Variants in MLLT10 observed in about 807,000 individuals in gnomAD.
MLLT10 encodes protein AF-10.
Under a neutral mutation model 129.1 loss-of-function variants are expected in MLLT10, and 30 were observed. That is an observed-to-expected ratio of 0.23 (90% confidence interval 0.17 to 0.32). The LOEUF is 0.32. Ranked by LOEUF, MLLT10 falls within the 10% of genes least tolerant of loss-of-function variation. MLLT10 has a pLI of 1.00. For missense variants in MLLT10, 1,119 were observed against 1,268.3 expected (o/e 0.88, Z 1.79); for synonymous variants, 490 against 446.4 (o/e 1.10, Z -1.23).
Position 21,717,608 on chromosome 10 carries a change from T to C in MLLT10, c.1878+3658T>C, listed in dbSNP as rs563998834. 2.8e-3 allele frequency among the ~76,000 whole-genome samples: 329 copies of C among 118,958 alleles called. 3 individuals carry two copies. Among genetic ancestry groups the C allele is most frequent in the African/African-American group, 9.9e-3 (315 of 31,680 alleles). The allele number at this position is 118,958 out of a possible 152,430, so 78.0% of individuals were successfully genotyped here. ...TTCCTCTTCCTCTTCTTTCTTCCTC[T>C]TCTTCCTCCTCTTCCTCCTCCTCCT... On this transcript the variant is annotated intron_variant, in intron 14 of 22. Coordinates refer to ENST00000307729, the MANE Select transcript of MLLT10 (RefSeq NM_001195626.3).
chr10:21,551,790 G>A, intron 3 of MLLT10: 1 of 402,688 alleles, frequency 2.5e-6, no homozygotes. Context: ...AATAGTTTCT[G>A]TCTCTCTCTC....
At chr10:21,640,356 A>G (rs970891396) in intron 8 of MLLT10, among the ~76,000 whole-genome samples, 3 of 147,190 alleles carry the variant, frequency 2.0e-5, no homozygotes, top group African/African-American at 7.5e-5. Context: ...ATACACACAC[A>G]TATATGTGTG....
intron 17 of MLLT10, among the ~76,000 whole-genome samples, chr10:21,731,660 A>T (rs1337842810): frequency 6.6e-6 from 1 of 152,216 alleles, no homozygotes; most frequent in African/African-American, 2.4e-5. Context: ...ATCTATAATT[A>T]GTATATATTA....
intron 5 of MLLT10, among the ~76,000 whole-genome samples, chr10:21,606,435 G>A (rs972056433): frequency 6.6e-6 from 1 of 152,214 alleles, no homozygotes; most frequent in African/African-American, 2.4e-5. Context: ...TGATTCCTCT[G>A]ATGGATCTGG....
At chr10:21,667,016 A>G (rs2050874790) in intron 9 of MLLT10, among the ~76,000 whole-genome samples, 1 of 152,136 alleles carries the variant, frequency 6.6e-6, no homozygotes, top group Non-Finnish European at 1.5e-5. Flanking sequence ...TTGGTCTGCT[A>G]GTGATTAGTT....
chr10:21,657,218 C>A (rs1452639939), intron 9 of MLLT10, among the ~76,000 whole-genome samples: 2 of 151,748 alleles, frequency 1.3e-5, no homozygotes, highest in Admixed American at 6.6e-5. Context: ...ATGGTGAAAC[C>A]CTGTCTCTAC....
upstream of MLLT10, chr10:21,534,098 G>A (rs968631668): frequency 2.4e-5 from 6 of 246,100 alleles, no homozygotes; most frequent in African/African-American, 1.4e-4. Flanking sequence ...AGCACACCTC[G>A]GCGGCGGCGA....
chr10:21,534,743 C>A lies in MLLT10; in HGVS notation c.99C>A (p.Gly33=). The A allele has an allele frequency of 1.2e-6, 2 of 1,613,230 alleles. No homozygotes were observed. Among genetic ancestry groups the A allele is most frequent in the East Asian group, 2.2e-5 (1 of 44,808 alleles). ...GTTGCGTTTGCTCAGACGAGAGAGG[C>A]TGGGCCGAGAACCCGCTGGTTTATT... ...GGCCVCSDER[G]WAENPLVYCD... Residue 33 remains glycine (G), a synonymous_variant, in exon 2 of 23, where the codon GGC becomes GGA. Coordinates refer to ENST00000307729, the MANE Select transcript of MLLT10 (RefSeq NM_001195626.3).
chr10:21,552,780 T>C (rs1008713771), intron 3 of MLLT10, among the ~76,000 whole-genome samples: 1 of 152,120 alleles, frequency 6.6e-6, no homozygotes, highest in Non-Finnish European at 1.5e-5. Flanking sequence ...TTATCTTCTT[T>C]TCTGTTTATT....
chr10:21,673,994 CTGT>C, intron 11 of MLLT10, 75 bp downstream of exon 11: 1 of 1,164,118 alleles, frequency 8.6e-7, no homozygotes, highest in Non-Finnish European at 1.2e-6. Context: ...ACGTTTTCAA[CTGT>C]TGTTACGATA....
chr10:21,740,357 A>G, intron 22 of MLLT10, 121 bp downstream of exon 22: 1 of 1,088,252 alleles, frequency 9.2e-7, no homozygotes, highest in Non-Finnish European at 1.3e-6. Flanking sequence ...AGTTGCTTTT[A>G]GCAGATGGAT....
At chr10:21,550,172 G>T (rs2036772721) in intron 3 of MLLT10, among the ~76,000 whole-genome samples, 1 of 152,196 alleles carries the variant, frequency 6.6e-6, no homozygotes, top group Non-Finnish European at 1.5e-5. Flanking sequence ...CTCCAGGCCA[G>T]TCTCTAAGTT....
intron 14 of MLLT10, among the ~76,000 whole-genome samples, chr10:21,717,716 TTCCTCC>T (rs878993054): frequency 0.13 from 2,177 of 17,248 alleles, 391 homozygotes; most frequent in East Asian, 0.26. Flanking sequence ...CCTCCTCCTC[TTCCTCC>T]TCCTCCTCCT....
At chr10:21,598,869 A>G (rs1241390560) in intron 5 of MLLT10, among the ~76,000 whole-genome samples, 2 of 151,622 alleles carry the variant, frequency 1.3e-5, no homozygotes, top group African/African-American at 2.4e-5. Flanking sequence ...TGAATAACGG[A>G]GTGAGATTCT....
At chr10:21,610,285 G>C (rs2044472138) in intron 5 of MLLT10, among the ~76,000 whole-genome samples, 1 of 152,156 alleles carries the variant, frequency 6.6e-6, no homozygotes, top group Non-Finnish European at 1.5e-5. Context: ...GGTCTGAGTT[G>C]AATCAGAGAC....
In MLLT10 at chr10:21,731,010, G is replaced by T; in HGVS notation, c.2174G>T (p.Ser725Ile). Residue 725 changes from serine to isoleucine, a missense_variant, in exon 17 of 23, where the codon AGT becomes ATT. Around this residue, in one of 5 missense-constraint regions of MLLT10, gnomAD observed 1,004 missense variants for 1,008.7 expected, o/e 1.00. Coordinates refer to ENST00000307729, the MANE Select transcript of MLLT10 (RefSeq NM_001195626.3). ...GAACAGCTTTTGGAGAGGCAGTGGA[G>T]TGAAGGACAGCAATTTTTACTAGAA... ...SIEQLLERQWSEGQQFLLEQG... is the reference protein window; with the variant it reads ...SIEQLLERQWIEGQQFLLEQG... 6 of 1,613,986 alleles carry T rather than the reference G, an allele frequency of 3.7e-6. No homozygotes were observed. The highest frequency in any genetic ancestry group is 5.1e-6 in the Non-Finnish European group (6 of 1,179,976).
intron 9 of MLLT10, among the ~76,000 whole-genome samples, chr10:21,658,562 A>G (rs1275251093): frequency 1.3e-5 from 2 of 152,206 alleles, no homozygotes; most frequent in Admixed American, 6.5e-5. Context: ...TACTATAAAT[A>G]TTGTATAAAT....
At chr10:21,561,899 G>T (rs1000768368) in intron 3 of MLLT10, among the ~76,000 whole-genome samples, 15 of 151,508 alleles carry the variant, frequency 9.9e-5, no homozygotes, top group African/African-American at 3.6e-4. Context: ...TCTGCCTCCT[G>T]GGTTCAAGCA....
intron 9 of MLLT10, among the ~76,000 whole-genome samples, chr10:21,654,691 T>C (rs574092153): frequency 6.6e-6 from 1 of 152,342 alleles, no homozygotes; most frequent in East Asian, 1.9e-4. Context: ...TGTCCATCTC[T>C]ATGGACGTGG....
Sources: gnomAD v4.1 joint callset for allele counts (sites outside exome capture counted in the v4.1 genomes callset) on GRCh38, gnomAD v4.1.1 for gene constraint, gnomAD v4.1.1 regional missense constraint, MANE v1.5 for transcripts, NCBI Gene and HGNC (gene_info 2026-07-23, HGNC 2026-07-21) for gene names.